The following FAM118A variants were observed in gnomAD, a reference collection of about 807,000 sequenced individuals.
FAM118A encodes the protein SIR2 antiphage like 2.
Under a neutral mutation model 38.2 loss-of-function variants are expected in FAM118A, and 25 were observed. The observed-to-expected ratio is 0.65, with a 90% CI of 0.48 to 0.91. The LOEUF is 0.91. Among genes scored for constraint, FAM118A ranks in the 40% least tolerant of loss-of-function variants. The pLI is 0.00. For synonymous variants in FAM118A, 178 were observed against 184.1 expected (o/e 0.97, Z 0.27); for missense variants, 425 against 463.3 (o/e 0.92, Z 0.76).
intron 6 of FAM118A, among the ~76,000 whole-genome samples, chr22:45,333,401 G>A (rs935251587): frequency 1.3e-5 from 2 of 151,918 alleles, no homozygotes; most frequent in Non-Finnish European, 2.9e-5. Flanking sequence ...TGGAGCGGGC[G>A]CGATAGCTCA....
intron 8 of FAM118A, chr22:45,337,702 C>A (rs2086204536): frequency 3.1e-6 from 1 of 324,696 alleles, no homozygotes; most frequent in African/African-American, 2.2e-5. Flanking sequence ...CTCCTGAGCT[C>A]CCCTCCTTCT....
chr22:45,312,768 G>A (rs9626676), intron 1 of FAM118A, among the ~76,000 whole-genome samples: 1,739 of 152,272 alleles, frequency 0.011, 33 homozygotes, highest in African/African-American at 0.04. Context: ...GAGAAGATGC[G>A]TAGGGTGAGG....
At chr22:45,322,704 A>G (rs1000709309) in intron 2 of FAM118A, among the ~76,000 whole-genome samples, 1 of 152,218 alleles carries the variant, frequency 6.6e-6, no homozygotes, top group African/African-American at 2.4e-5. Flanking sequence ...GAATTCTTTG[A>G]CTACAGATGG....
At chr22:45,310,549 C>CG (rs1167578516) in intron 1 of FAM118A, among the ~76,000 whole-genome samples, 1 of 152,182 alleles carries the variant, frequency 6.6e-6, no homozygotes, top group Non-Finnish European at 1.5e-5. Flanking sequence ...TCCTTAGCCC[C>CG]GCGAGACCCC....
chr22:45,330,854 C>A, intron 5 of FAM118A, 123 bp downstream of exon 5: 1 of 1,129,398 alleles, frequency 8.9e-7, no homozygotes. Context: ...GTCGGCCCTG[C>A]ACACAGTTGC....
chr22:45,324,901 A>T (rs772543578), intron 3 of FAM118A, among the ~76,000 whole-genome samples: 1 of 151,996 alleles, frequency 6.6e-6, no homozygotes, highest in Non-Finnish European at 1.5e-5. Context: ...ACAAAAATTA[A>T]CCTGGCGTGG....
rs532399117 is a variant in FAM118A at position 45,331,730 on chromosome 22, G to T, written c.652-695G>T. On this transcript the variant is annotated intron_variant, in intron 5 of 8. Coordinates refer to ENST00000441876, the MANE Select transcript of FAM118A (RefSeq NM_017911.4). The stretch of plus-strand genomic sequence containing the variant: ...TGAGTGACTGGGCAGATGCTTTTCA[G>T]TTGCATCATTAATACTGCTTGGTGA... 4.2e-3 allele frequency among the ~76,000 whole-genome samples: 641 copies of T among 152,304 alleles called. 4 individuals are homozygous for T. Among genetic ancestry groups the T allele is most frequent in the Non-Finnish European group, 7.5e-3 (507 of 68,032 alleles).
chr22:45,333,126 T>TA (rs2085843818), intron 6 of FAM118A, among the ~76,000 whole-genome samples: 2 of 152,192 alleles, frequency 1.3e-5, no homozygotes, highest in Admixed American at 6.5e-5. Flanking sequence ...CACATACCCC[T>TA]AAAATTCACC....
At chr22:45,309,779 A>T (rs940288397), upstream of FAM118A, 10 of 150,024 alleles carry the variant, frequency 6.7e-5, no homozygotes, top group African/African-American at 2.4e-4. Flanking sequence ...GTGGTCACCG[A>T]GGTGGGCGGT....
At chr22:45,332,827 A>T in intron 6 of FAM118A, 117 bp downstream of exon 6, 1 of 1,071,760 alleles carries the variant, frequency 9.3e-7, no homozygotes. Context: ...GCTCACCACA[A>T]CCTCCGCCTC....
Position 45,341,380 on chromosome 22 carries a change from G to A in FAM118A, c.*975G>A, listed in dbSNP as rs755836555. The stretch of plus-strand genomic sequence containing the variant: ...CCAACATTGTGCACGGCCACTGTGG[G>A]ACTGACAACCGGGATAGCTCAAGTT... On this transcript the variant is annotated 3_prime_UTR_variant, in exon 9 of 9. Transcript: ENST00000441876. 5 of 152,176 alleles carry A rather than the reference G, an allele frequency of 3.3e-5. No individual in the cohort carries two copies. The highest frequency in any genetic ancestry group is 1.2e-4 in the African/African-American group (5 of 41,440). The allele number at this position is 152,176 out of a possible 1,614,324, so 9.4% of individuals were successfully genotyped here.
intron 5 of FAM118A, 119 bp downstream of exon 5, chr22:45,330,850 C>T: frequency 8.5e-7 from 1 of 1,183,098 alleles, no homozygotes; most frequent in East Asian, 3.1e-5. Context: ...TCAGGTCGGC[C>T]CTGCACACAG....
chr22:45,335,226 G>T (rs1001143257), intron 6 of FAM118A, 124 bp from the exon 7 acceptor site: 2 of 1,019,442 alleles, frequency 2.0e-6, no homozygotes, highest in Admixed American at 4.2e-5. Context: ...CGCAGCCCGC[G>T]CGGGCTGACC....
intron 4 of FAM118A, chr22:45,328,484 T>A: frequency 2.4e-6 from 2 of 836,720 alleles, no homozygotes; most frequent in Non-Finnish European, 4.3e-6. Flanking sequence ...ACTAATAAAG[T>A]AGCCAGGCAT....
intron 5 of FAM118A, 148 bp downstream of exon 5, chr22:45,330,879 C>A: frequency 1.3e-6 from 1 of 787,686 alleles, no homozygotes; most frequent in East Asian, 3.4e-5. Context: ...GGAGGGGCCA[C>A]GTCTCTTGTC....
chr22:45,314,097 C>A (rs577749686), intron 1 of FAM118A, among the ~76,000 whole-genome samples: 1 of 152,240 alleles, frequency 6.6e-6, no homozygotes, highest in African/African-American at 2.4e-5. Flanking sequence ...CAGGCTGTTG[C>A]TGCTGTATCC....
chr22:45,316,550 C>T (rs1023924099), intron 1 of FAM118A, among the ~76,000 whole-genome samples: 2 of 152,142 alleles, frequency 1.3e-5, no homozygotes, highest in Non-Finnish European at 2.9e-5. Context: ...TGAAGGCTCC[C>T]GGTCTTCCAG....
rs1395809051 is a variant in FAM118A at position 45,341,797 on chromosome 22, T to C, written c.*1392T>C. The C allele has an allele frequency of 2.6e-5, 4 of 152,194 alleles. No individual in the cohort carries two copies. The highest frequency in any genetic ancestry group is 9.7e-5 in the African/African-American group (4 of 41,442). The allele number at this position is 152,194 out of a possible 1,614,324, so 9.4% of individuals were successfully genotyped here. On this transcript the variant is annotated 3_prime_UTR_variant, in exon 9 of 9. Transcript: ENST00000441876. Reference sequence around the variant, plus strand: ...TTGCCAAGCCCTGTGACACTCCCCATTGATGACTCCCATAGGTACAGATAA... The same window carrying C: ...TTGCCAAGCCCTGTGACACTCCCCACTGATGACTCCCATAGGTACAGATAA...
At chr22:45,330,861 T>TG in intron 5 of FAM118A, 130 bp downstream of exon 5, 1 of 1,049,082 alleles carries the variant, frequency 9.5e-7, no homozygotes, top group South Asian at 3.4e-5. Context: ...CTGCACACAG[T>TG]TGCTGAGGGA....
Sources: allele counts gnomAD v4.1 joint callset (sites outside exome capture counted in the v4.1 genomes callset), GRCh38; gene constraint gnomAD v4.1.1; transcripts MANE v1.5; gene names NCBI Gene and HGNC (gene_info 2026-07-23, HGNC 2026-07-21).